Variants in LGI3 observed in about 807,000 individuals in gnomAD.
The protein encoded by LGI3 is leucine-rich repeat LGI family member 3.
A neutral mutation model predicts 55.4 loss-of-function variants in LGI3; 47 were observed. The observed-to-expected ratio is 0.85, with a 90% CI of 0.67 to 1.08. LGI3 has a LOEUF of 1.08. Ranked by LOEUF, LGI3 falls within the 50% of genes least tolerant of loss-of-function variation. The pLI, the probability that LGI3 is intolerant of heterozygous loss-of-function variation, is 0.00. For missense variants in LGI3, 664 were observed against 726.3 expected, an observed-to-expected ratio of 0.91 and a Z score of 0.99; for synonymous variants, 326 against 315.0, an observed-to-expected ratio of 1.04 and a Z score of -0.37.
rs1470510747 is a variant in LGI3 at position 22,148,575 on chromosome 8, A to T, written c.1232T>A (p.Phe411Tyr). Residue 411 changes from phenylalanine to tyrosine, a missense_variant, in exon 8 of 8, where the codon TTT (phenylalanine) becomes TAT (tyrosine). By Grantham distance (22) the Phe-to-Tyr change is conservative. Coordinates refer to ENST00000306317, the MANE Select transcript of LGI3 (RefSeq NM_139278.4). The surrounding 1 kb of genome is among the most constrained non-coding windows in gnomAD (Gnocchi z 7.0). ...CTGGGTCACCTCACCCTGGGCCACA[A>T]ACTGCTTCTGGGTGCGACTCCACTG... The part of the protein sequence containing the change: ...IYQWSRTQKQ[F>Y]VAQGEVTQVP... 6.2e-7 allele frequency: 1 copy of T among 1,613,780 alleles called. No individual in the cohort carries two copies. The highest frequency in any genetic ancestry group is 1.7e-5 in the Admixed American group (1 of 60,006).
At chr8:22,154,395 G>T in intron 3 of LGI3, 165 bp downstream of exon 3, 1 of 781,110 alleles carries the variant, frequency 1.3e-6, no homozygotes, top group South Asian at 1.6e-5. Flanking sequence ...TGAATGAAAC[G>T]ACCTTCTGCT....
chr8:22,154,099 A>C (rs778094672), intron 4 of LGI3, 43 bp downstream of exon 4: 1 of 1,609,846 alleles, frequency 6.2e-7, no homozygotes, highest in South Asian at 1.1e-5. Flanking sequence ...GCCACAGGAG[A>C]GGTGGGGCTT....
chr8:22,150,261 G>T (rs1425500616), intron 7 of LGI3, among the ~76,000 whole-genome samples: 1 of 149,262 alleles, frequency 6.7e-6, no homozygotes, highest in Admixed American at 6.7e-5. Context: ...TTTTGTTTTT[G>T]TTTTTTTCTT....
rs1199435414 is a variant in LGI3, at chr8:22,147,399, T to G, written c.*761A>C. Reference sequence around the variant, plus strand: ...TGCTTCTGCTGCTGTTGTTATTGCTTCGGGCAGAGGGGCTTTGCCCCCAGG... The same window carrying G: ...TGCTTCTGCTGCTGTTGTTATTGCTGCGGGCAGAGGGGCTTTGCCCCCAGG... On this transcript the variant is annotated 3_prime_UTR_variant, in exon 8 of 8. Coordinates refer to ENST00000306317, the MANE Select transcript of LGI3 (RefSeq NM_139278.4). 2 of 152,118 alleles carry G rather than the reference T, an allele frequency of 1.3e-5. No individual in the cohort carries two copies. The highest frequency in any genetic ancestry group is 6.5e-5 in the Admixed American group (1 of 15,274). 9.4% of individuals were successfully genotyped at this position (152,118 alleles called of 1,614,324 possible). A position where few individuals can be genotyped will look rare whatever the true frequency, so the allele number is the denominator to read the frequency against.
intron 4 of LGI3, 36 bp from the exon 5 acceptor site, chr8:22,154,075 G>A: frequency 6.2e-7 from 1 of 1,613,530 alleles, no homozygotes; most frequent in Non-Finnish European, 8.5e-7. Context: ...TGAAGATCAT[G>A]AGCAAGGCCA....
At position 22,147,253 on chromosome 8, in the gene LGI3, G is replaced by A. The variant is rs1381917289; in HGVS notation, c.*907C>T. ...CCTGAGAAAGCGACAGCTACAGGAAGGAAGGCAGAAAGGCTTTCAGATGAG... is the reference window on the plus strand; with the variant it reads ...CCTGAGAAAGCGACAGCTACAGGAAAGAAGGCAGAAAGGCTTTCAGATGAG... On this transcript the variant is annotated 3_prime_UTR_variant, in exon 8 of 8. Coordinates refer to ENST00000306317, the MANE Select transcript of LGI3 (RefSeq NM_139278.4). 1.3e-5 allele frequency: 2 copies of A among 152,402 alleles called. No homozygotes were observed. Among genetic ancestry groups the A allele is most frequent in the African/African-American group, 2.4e-5 (1 of 41,466 alleles). The allele number at this position is 152,402 out of a possible 1,614,324, so 9.4% of individuals were successfully genotyped here.
Position 22,149,116 on chromosome 8 carries a change from T to A in LGI3, c.830-139A>T, listed in dbSNP as rs1035489479. On this transcript the variant is annotated intron_variant, in intron 7 of 7. Coordinates refer to ENST00000306317, the MANE Select transcript of LGI3 (RefSeq NM_139278.4). ...CTATACCATTCCACCCACACTGAAG[T>A]TCATCCACTAAGCGCTCAATGCTTT... is the stretch of plus-strand genomic sequence containing the variant. The A allele has an allele frequency of 4.2e-5, 26 of 617,996 alleles. 1 individual carries two copies. The allele number at this position is 617,996 out of a possible 1,614,324, so 38.3% of individuals were successfully genotyped here.
intron 7 of LGI3, among the ~76,000 whole-genome samples, chr8:22,150,628 G>C (rs1488869560): frequency 6.6e-6 from 1 of 152,058 alleles, no homozygotes; most frequent in African/African-American, 2.4e-5. Flanking sequence ...AAAGTGCTGG[G>C]ATTACAGGCG....
rs369474754 is a variant in LGI3 at position 22,148,675 on chromosome 8, C to T, written c.1132G>A (p.Asp378Asn). 1.5e-5 allele frequency: 24 copies of T among 1,613,914 alleles called. No individual in the cohort carries two copies. The highest frequency in any genetic ancestry group is 3.3e-5 in the Admixed American group (2 of 60,004). The change falls in exon 8 of 8, where the codon GAC becomes AAC. Residue 378 changes from aspartate to asparagine, a missense_variant. Transcript: ENST00000306317. The surrounding 1 kb of genome is among the most constrained non-coding windows in gnomAD (Gnocchi z 7.0). ...CCCTCGCCGTCCACAAACTCCAGGTCGGTGTCACGGTGCCAGGGGTGCAGT... is the reference window on the plus strand; with the variant it reads ...CCCTCGCCGTCCACAAACTCCAGGTTGGTGTCACGGTGCCAGGGGTGCAGT... ...QALHPWHRDTDLEFVDGEGKP... is the reference protein window; with the variant it reads ...QALHPWHRDTNLEFVDGEGKP...
In LGI3 at chr8:22,148,513, C is replaced by T. The variant is rs1322658786; in HGVS notation, c.1294G>A (p.Gly432Ser). ...CTGAGGCACAGGTAGCTGTCGCGGC[C>T]GGCACGAAAGTGTTTCACAGCTTGG... The part of the protein sequence containing the change: ...DAQAVKHFRA[G>S]RDSYLCLSRY... Residue 432 changes from glycine to serine, a missense_variant, in exon 8 of 8, where the codon GGC becomes AGC. Physicochemically the swap from Gly to Ser is moderately conservative, Grantham distance 56. Coordinates refer to ENST00000306317, the MANE Select transcript of LGI3 (RefSeq NM_139278.4). The surrounding 1 kb of genome is among the most constrained non-coding windows in gnomAD (Gnocchi z 7.0). 4 of 1,613,436 alleles carry T rather than the reference C, an allele frequency of 2.5e-6. No homozygotes were observed. Among genetic ancestry groups the T allele is most frequent in the South Asian group, 2.2e-5 (2 of 91,056 alleles).
In LGI3 at chr8:22,154,156, C is replaced by T; in HGVS notation, c.408G>A (p.Lys136=). 1.2e-6 allele frequency: 2 copies of T among 1,614,094 alleles called. No individual in the cohort carries two copies. Among genetic ancestry groups the T allele is most frequent in the Non-Finnish European group, 1.7e-6 (2 of 1,179,982 alleles). ...ALSKFTFRGL[K]SLTHLSLANN... is the part of the protein sequence containing the mutation. ...GACGTACTCACAGGTGAGTCAAGGACTTGAGTCCTCGGAAGGTGAACTTGG... is the reference window on the plus strand; with the variant it reads ...GACGTACTCACAGGTGAGTCAAGGATTTGAGTCCTCGGAAGGTGAACTTGG... The change falls in exon 4 of 8, where the codon AAG becomes AAA. Residue 136 remains lysine, a synonymous_variant. Coordinates refer to ENST00000306317, the MANE Select transcript of LGI3 (RefSeq NM_139278.4).
At chr8:22,152,985 G>T (rs1178816309) in intron 5 of LGI3, among the ~76,000 whole-genome samples, 3 of 151,524 alleles carry the variant, frequency 2.0e-5, no homozygotes, top group Admixed American at 2.0e-4. Flanking sequence ...GGGAGGCAGA[G>T]GTTGCCGCGA....
At position 22,156,372 on chromosome 8, in the gene LGI3, C is replaced by A. The variant is rs778186127; in HGVS notation, c.171G>T (p.Ala57=). ...RDTAFCVDSK[A]VPRNLPSEVI... Reference sequence around the variant, plus strand: ...CCTCCGAGGGCAGGTTCCTGGGCACCGCCTTTGAGTCCACGCAGAAGGCGG... The same window carrying A: ...CCTCCGAGGGCAGGTTCCTGGGCACAGCCTTTGAGTCCACGCAGAAGGCGG... The change falls in exon 1 of 8, where the codon GCG becomes GCT. Residue 57 remains alanine (A), a synonymous_variant. Coordinates refer to ENST00000306317, the MANE Select transcript of LGI3 (RefSeq NM_139278.4). 1 of 1,606,554 alleles carries A rather than the reference C, an allele frequency of 6.2e-7. No individual in the cohort carries two copies. Among genetic ancestry groups the A allele is most frequent in the Non-Finnish European group, 8.5e-7 (1 of 1,177,382 alleles).
chr8:22,154,916 C>A, intron 2 of LGI3: 1 of 493,268 alleles, frequency 2.0e-6, no homozygotes, highest in Admixed American at 3.4e-5. Context: ...CTCTCCCTCT[C>A]CCCCACCCTC....
intron 6 of LGI3, 21 bp downstream of exon 6, chr8:22,151,810 C>T: frequency 6.3e-7 from 1 of 1,591,286 alleles, no homozygotes; most frequent in African/African-American, 1.3e-5. Flanking sequence ...GACTGACACC[C>T]AAGGCAGGGG....
rs755825738 is a variant in LGI3 at position 22,151,495 on chromosome 8, T to A, written c.823A>T (p.Ile275Phe). The A allele has an allele frequency of 6.2e-7, 1 of 1,613,748 alleles. No individual in the cohort carries two copies. Among genetic ancestry groups the A allele is most frequent in the South Asian group, 1.1e-5 (1 of 91,038 alleles). ...VERQLRDYDR[I>F]PAPSAVHCKP... is the part of the protein sequence containing the mutation. ...CCAGATTGGGCGCAGGTACCTGGGATTCTATCATAGTCTCGAAGCTGCCGC... is the reference window on the plus strand; with the variant it reads ...CCAGATTGGGCGCAGGTACCTGGGAATCTATCATAGTCTCGAAGCTGCCGC... The change falls in exon 7 of 8, where the codon ATC (isoleucine) becomes TTC (phenylalanine). Residue 275 changes from isoleucine to phenylalanine, a missense_variant. Physicochemically the swap from Ile to Phe is conservative, Grantham distance 21. Transcript: ENST00000306317.
chr8:22,153,099 T>G (rs1256206585), intron 5 of LGI3, among the ~76,000 whole-genome samples: 1 of 150,658 alleles, frequency 6.6e-6, no homozygotes. Flanking sequence ...TTTTTAATAT[T>G]TTGAGACTGA....
At chr8:22,155,520 G>T (rs764745553) in intron 1 of LGI3, 57 bp from the exon 2 acceptor site, 4 of 1,453,672 alleles carry the variant, frequency 2.8e-6, no homozygotes, top group African/African-American at 1.4e-5. Flanking sequence ...CTGAGGCAGG[G>T]AGAGGTGAAC....
rs1412089358 is a variant in LGI3 at position 22,147,463 on chromosome 8, C to T, written c.*697G>A. The T allele has an allele frequency of 1.3e-5, 2 of 152,268 alleles. No individual in the cohort carries two copies. The highest frequency in any genetic ancestry group is 1.3e-4 in the Admixed American group (2 of 15,276). 9.4% of individuals were successfully genotyped at this position (152,268 alleles called of 1,614,324 possible). A position where few individuals can be genotyped will look rare whatever the true frequency, so the allele number is the denominator to read the frequency against. ...CCTCAGAAGCTGGCACCACCATTCT[C>T]ATCCTTATCAGTTCCGGGGGGGGCA... On this transcript the variant is annotated 3_prime_UTR_variant, in exon 8 of 8. Coordinates refer to ENST00000306317, the MANE Select transcript of LGI3 (RefSeq NM_139278.4).
Sources: gnomAD v4.1 joint callset for allele counts (sites outside exome capture counted in the v4.1 genomes callset) on GRCh38, gnomAD v4.1.1 for gene constraint, Gnocchi (gnomAD v3.1) non-coding constraint, MANE v1.5 for transcripts, NCBI Gene and HGNC (gene_info 2026-07-23, HGNC 2026-07-21) for gene names.